DSE: variants seen among roughly 807,000 people sequenced by gnomAD.
DSE encodes dermatan-sulfate epimerase.
DSE carries 36 observed loss-of-function variants against 84.4 expected under a neutral mutation model. The ratio of observed to expected loss-of-function variants is 0.43; its 90% CI spans 0.33 to 0.56. The LOEUF is 0.56. Among genes scored for constraint, DSE ranks in the 20% least tolerant of loss-of-function variants. DSE has a pLI of 0.06. For synonymous variants in DSE, 410 were observed against 430.1 expected, an observed-to-expected ratio of 0.95 and a Z score of 0.58; for missense variants, 862 against 1,169.6, an observed-to-expected ratio of 0.74 and a Z score of 3.84.
intron 2 of DSE, among the ~76,000 whole-genome samples, chr6:116,312,298 T>C (rs1775737110): frequency 6.6e-6 from 1 of 152,186 alleles, no homozygotes; most frequent in Admixed American, 6.5e-5. Flanking sequence ...TTTTGAAAAA[T>C]ATCAGTGAGA....
At chr6:116,279,301 T>TCCA in intron 2 of DSE, 1 of 1,388,740 alleles carries the variant, frequency 7.2e-7, no homozygotes, top group South Asian at 1.3e-5. Flanking sequence ...CAGGCCTTCC[T>TCCA]TCACCACCTC....
At chr6:116,420,245 T>C (rs1017947975) in intron 2 of DSE, among the ~76,000 whole-genome samples, 1 of 152,176 alleles carries the variant, frequency 6.6e-6, no homozygotes, top group Non-Finnish European at 1.5e-5. Flanking sequence ...AAATAGACAG[T>C]TGCTATGAAC....
intron 2 of DSE, among the ~76,000 whole-genome samples, chr6:116,349,276 A>C (rs1778178844): frequency 6.6e-6 from 1 of 152,176 alleles, no homozygotes; most frequent in Non-Finnish European, 1.5e-5. Context: ...TTCCCATGCC[A>C]GTATGGCTTA....
intron 2 of DSE, among the ~76,000 whole-genome samples, chr6:116,285,932 T>G (rs1431939938): frequency 1.3e-5 from 2 of 152,180 alleles, no homozygotes; most frequent in African/African-American, 2.4e-5. Context: ...AGCCTTGTAG[T>G]ATAGTTTGAA....
intron 2 of DSE, among the ~76,000 whole-genome samples, chr6:116,348,382 G>A (rs1238896655): frequency 2.6e-5 from 4 of 151,666 alleles, no homozygotes; most frequent in South Asian, 4.2e-4. Flanking sequence ...AGCCGAGATC[G>A]TGCCACTGCA....
At chr6:116,258,964 T>G in exon 2 of DSE, 2 of 1,489,942 alleles carry the variant, frequency 1.3e-6, no homozygotes, top group Non-Finnish European at 1.9e-6. Context: ...CCCTGCACTG[T>G]GAGGTAGGTA....
At chr6:116,435,471 C>A in intron 5 of DSE, 116 bp from the exon 6 acceptor site, 1 of 1,025,220 alleles carries the variant, frequency 9.8e-7, no homozygotes, top group Non-Finnish European at 1.4e-6. Context: ...CCCTAATATA[C>A]TCTGCACTGC....
In DSE at chr6:116,372,232, G is replaced by A. The variant is rs368078942; in HGVS notation, c.-54+1111G>A. On this transcript the variant is annotated intron_variant, in intron 1 of 5. Coordinates refer to ENST00000644252, the MANE Select transcript of DSE (RefSeq NM_013352.4). ...GCCTGTAATCCCAGTACTTTGGGAGGCCGAGGCAGGCGGATCACGAGGTCA... is the reference window on the plus strand; with the variant it reads ...GCCTGTAATCCCAGTACTTTGGGAGACCGAGGCAGGCGGATCACGAGGTCA... Among the ~76,000 whole-genome samples the A allele has an allele frequency of 2.1e-3, 324 of 152,312 alleles. 4 individuals are homozygous for A. The highest frequency in any genetic ancestry group is 7.0e-3 in the African/African-American group (290 of 41,572).
At chr6:116,322,846 A>T (rs73767741) in intron 2 of DSE, among the ~76,000 whole-genome samples, 1 of 152,162 alleles carries the variant, frequency 6.6e-6, no homozygotes, top group African/African-American at 2.4e-5. Flanking sequence ...AGGGTAGAAG[A>T]GACTGCAGAA....
At position 116,444,282 on chromosome 6, in the gene DSE, A is replaced by G. The variant is rs1350321323; in HGVS notation, c.*6937A>G. On this transcript the variant is annotated 3_prime_UTR_variant, in exon 6 of 6. Coordinates refer to ENST00000644252, the MANE Select transcript of DSE (RefSeq NM_013352.4). ...TGAAAACTGATTGCTATTACTGAAC[A>G]CTGCCCTTAGGTGGCTCACTCTTAG... 1 of 152,212 alleles carries G rather than the reference A, an allele frequency of 6.6e-6. No individual in the cohort carries two copies. Among genetic ancestry groups the G allele is most frequent in the Non-Finnish European group, 1.5e-5 (1 of 68,028 alleles). 9.4% of individuals were successfully genotyped at this position (152,212 alleles called of 1,614,324 possible). A position where few individuals can be genotyped will look rare whatever the true frequency, so the allele number is the denominator to read the frequency against.
intron 2 of DSE, among the ~76,000 whole-genome samples, chr6:116,284,819 T>C: frequency 6.6e-6 from 1 of 152,084 alleles, no homozygotes; most frequent in South Asian, 2.1e-4. Context: ...GATTTCCAGC[T>C]TCATCCATGT....
intron 2 of DSE, among the ~76,000 whole-genome samples, chr6:116,325,636 A>T (rs991616703): frequency 6.6e-6 from 1 of 152,116 alleles, no homozygotes; most frequent in African/African-American, 2.4e-5. Flanking sequence ...CATGCTGTGG[A>T]ATTGTCTTCT....
At chr6:116,331,922 A>G (rs1583032211) in intron 2 of DSE, among the ~76,000 whole-genome samples, 1 of 152,086 alleles carries the variant, frequency 6.6e-6, no homozygotes, top group Admixed American at 6.5e-5. Context: ...GTATCACTGC[A>G]CTCCAGCCTG....
At chr6:116,342,633 C>G (rs1025065738) in intron 2 of DSE, among the ~76,000 whole-genome samples, 4 of 152,202 alleles carry the variant, frequency 2.6e-5, no homozygotes, top group African/African-American at 9.6e-5. Context: ...AAACCTTTTT[C>G]TCTGCCATTT....
intron 2 of DSE, among the ~76,000 whole-genome samples, chr6:116,348,091 A>G (rs1311608525): frequency 1.3e-5 from 2 of 152,196 alleles, no homozygotes; most frequent in East Asian, 1.9e-4. Context: ...CAAAACCACA[A>G]TGAGATACCA....
intron 2 of DSE, among the ~76,000 whole-genome samples, chr6:116,346,728 C>T (rs979226743): frequency 2.0e-5 from 3 of 152,172 alleles, no homozygotes; most frequent in Non-Finnish European, 4.4e-5. Context: ...GACGCCCTCT[C>T]TTACCACTCC....
At position 116,426,714 on chromosome 6, in the gene DSE, G is replaced by T. The variant is rs1025167723; in HGVS notation, c.557G>T (p.Gly186Val). 18 of 1,613,960 alleles carry T rather than the reference G, an allele frequency of 1.1e-5. No homozygotes were observed. The highest frequency in any genetic ancestry group is 1.4e-5 in the Non-Finnish European group (17 of 1,180,012). ...CTTGAAGTGATTGCCAATGCCTCAGGGTATATGTATGAAACTTCATACAGG... is the reference window on the plus strand; with the variant it reads ...CTTGAAGTGATTGCCAATGCCTCAGTGTATATGTATGAAACTTCATACAGG... Reference protein sequence around the residue: ...KFLEVIANASGYMYETSYRRG... With the variant: ...KFLEVIANASVYMYETSYRRG... The change falls in exon 3 of 6, where the codon GGG (glycine) becomes GTG (valine). Residue 186 changes from glycine to valine, a missense_variant. By Grantham distance (109) the Gly-to-Val change is moderately radical. Around this residue, in one of 4 missense-constraint regions of DSE, gnomAD observed 309 missense variants for 516.9 expected, o/e 0.60. Transcript: ENST00000644252.
At position 116,399,403 on chromosome 6, in the gene DSE, A is replaced by C; in HGVS notation, c.153A>C (p.Ala51=). 1 of 1,614,210 alleles carries C rather than the reference A, an allele frequency of 6.2e-7. No individual in the cohort carries two copies. Among genetic ancestry groups the C allele is most frequent in the Non-Finnish European group, 8.5e-7 (1 of 1,180,042 alleles). Residue 51 remains alanine, a synonymous_variant, in exon 2 of 6, where the codon GCA becomes GCC. Coordinates refer to ENST00000644252, the MANE Select transcript of DSE (RefSeq NM_013352.4). ...DSHPMLYFSR[A]EVAELQLRAA... is the part of the protein sequence containing the mutation. ...ATCCCATGCTGTACTTCTCCAGGGC[A>C]GAAGTGGCGGAGCTGCAGCTCAGGG...
intron 1 of DSE, among the ~76,000 whole-genome samples, chr6:116,375,175 T>C (rs562181656): frequency 2.5e-4 from 38 of 152,312 alleles, no homozygotes; most frequent in Admixed American, 9.8e-4. Flanking sequence ...TGAATTAGAA[T>C]GGGAAGTAGA....
Sources: gnomAD v4.1 joint callset for allele counts (sites outside exome capture counted in the v4.1 genomes callset) on GRCh38, gnomAD v4.1.1 for gene constraint, gnomAD v4.1.1 regional missense constraint, MANE v1.5 for transcripts, NCBI Gene and HGNC (gene_info 2026-07-23, HGNC 2026-07-21) for gene names.